FBLN1: variants seen among roughly 807,000 people sequenced by gnomAD.
FBLN1 encodes the protein fibulin 1, also known as fibulin-1.
Under a neutral mutation model 89.7 loss-of-function variants are expected in FBLN1, and 34 were observed. The observed-to-expected ratio is 0.38, with a 90% CI of 0.29 to 0.50. FBLN1 has a LOEUF of 0.50. Ranked by LOEUF, FBLN1 falls within the 20% of genes least tolerant of loss-of-function variation. The probability of loss-of-function intolerance (pLI) is 0.92; values close to 1 mark genes in which losing one functional copy is unlikely to be tolerated. For missense variants in FBLN1, 777 were observed against 988.1 expected (o/e 0.79, Z 2.86); for synonymous variants, 393 against 391.3 (o/e 1.00, Z -0.05).
At chr22:45,542,888 C>T (rs2088575493) in intron 10 of FBLN1, among the ~76,000 whole-genome samples, 1 of 152,260 alleles carries the variant, frequency 6.6e-6, no homozygotes, top group African/African-American at 2.4e-5. Context: ...GCTCGCCCAC[C>T]AGGCAGGCAC....
chr22:45,532,840 C>G lies in FBLN1; in HGVS notation c.545-223C>G, dbSNP rs572448815. On this transcript the variant is annotated intron_variant, in intron 5 of 16. Transcript: ENST00000327858. The surrounding 1 kb of genome is among the most constrained non-coding windows in gnomAD (Gnocchi z 4.2). Reference sequence around the variant, plus strand: ...GCACCCTGCACACCACCTGATTTTCCAGACGGGGAGGTTGGGACCTGAAGC... The same window carrying G: ...GCACCCTGCACACCACCTGATTTTCGAGACGGGGAGGTTGGGACCTGAAGC... The G allele has an allele frequency of 3.7e-5, 22 of 600,664 alleles. No individual in the cohort carries two copies. The African/African-American group carries it at 3.7e-4, about 10-fold the overall frequency. The allele number at this position is 600,664 out of a possible 1,614,324, so 37.2% of individuals were successfully genotyped here.
At chr22:45,542,117 T>C in intron 9 of FBLN1, 38 bp from the exon 10 acceptor site, 1 of 1,613,972 alleles carries the variant, frequency 6.2e-7, no homozygotes, top group Non-Finnish European at 8.5e-7. Context: ...AAACCCAAAC[T>C]AAAGGTTTTC....
At chr22:45,547,242 C>A (rs370504340) in intron 12 of FBLN1, 38 bp downstream of exon 12, 23 of 1,610,704 alleles carry the variant, frequency 1.4e-5, no homozygotes, top group Non-Finnish European at 1.9e-5. Flanking sequence ...GAAAGCACCC[C>A]CTGGTCTTGC....
rs921786259 is a variant in FBLN1, at chr22:45,574,225, T to A, written c.1698-286T>A. 2.0e-5 allele frequency among the ~76,000 whole-genome samples: 3 copies of A among 152,230 alleles called. No individual in the cohort carries two copies. Among genetic ancestry groups the A allele is most frequent in the African/African-American group, 4.8e-5 (2 of 41,466 alleles). The stretch of plus-strand genomic sequence containing the variant: ...ATTTTGCCATTGTAGCTATTGATGC[T>A]CAATTCGTGCAGTTGACAAATGTCC... On this transcript the variant is annotated intron_variant, in intron 14 of 16. Coordinates refer to ENST00000327858, the MANE Select transcript of FBLN1 (RefSeq NM_006486.3). This position sits in a 1 kb window ranked among gnomAD's most constrained non-coding sequence, Gnocchi z 4.1.
Position 45,532,899 on chromosome 22 carries a change from TG to T in FBLN1, c.545-159del. 2 of 667,950 alleles carry T rather than the reference TG, an allele frequency of 3.0e-6. No homozygotes were observed. Among genetic ancestry groups the T allele is most frequent in the Non-Finnish European group, 5.4e-6 (2 of 372,854 alleles). The allele number at this position is 667,950 out of a possible 1,614,324, so 41.4% of individuals were successfully genotyped here. A position where few individuals can be genotyped will look rare whatever the true frequency, so the allele number is the denominator to read the frequency against. On this transcript the variant is annotated intron_variant, in intron 5 of 16. Transcript: ENST00000327858. This position sits in a 1 kb window ranked among gnomAD's most constrained non-coding sequence, Gnocchi z 4.2. ...CTGGGGGGTGTCCAGAGCCAGAGCC[TG>T]GGGGTCTCCCAGTAGGGCAGCAGGT...
In FBLN1 at chr22:45,547,068, C is replaced by G. The variant is rs986047984; in HGVS notation, c.1322-17C>G. Reference sequence around the variant, plus strand: ...ACGTATGATGCTCTGAGCGGTGACCCTCGTTTTGTATTTCAGACATCAATG... The same window carrying G: ...ACGTATGATGCTCTGAGCGGTGACCGTCGTTTTGTATTTCAGACATCAATG... On this transcript the variant is annotated splice_polypyrimidine_tract_variant and intron_variant, in intron 11 of 16. Transcript: ENST00000327858. 21 of 1,613,878 alleles carry G rather than the reference C, an allele frequency of 1.3e-5. No homozygotes were observed. The highest frequency in any genetic ancestry group is 1.7e-5 in the Admixed American group (1 of 59,996).
Position 45,502,914 on chromosome 22 carries a change from G to A in FBLN1, c.-72G>A, listed in dbSNP as rs1028872791. The A allele has an allele frequency of 1.7e-6, 1 of 588,078 alleles. No individual in the cohort carries two copies. The highest frequency in any genetic ancestry group is 2.2e-6 in the Non-Finnish European group (1 of 459,268). The allele number at this position is 588,078 out of a possible 1,614,324, so 36.4% of individuals were successfully genotyped here. A position where few individuals can be genotyped will look rare whatever the true frequency, so the allele number is the denominator to read the frequency against. On this transcript the variant is annotated 5_prime_UTR_variant, in exon 1 of 17. Transcript: ENST00000327858. ...TGCCGAGGCTCGGCCGGAGCGTGGA[G>A]CCCGCGCCGCTGCCCCAGGACCGCG... is the stretch of plus-strand genomic sequence containing the variant.
intron 16 of FBLN1, among the ~76,000 whole-genome samples, chr22:45,589,641 C>T (rs1246004368): frequency 6.6e-6 from 1 of 152,164 alleles, no homozygotes; most frequent in Non-Finnish European, 1.5e-5. Flanking sequence ...GATGGTTCTC[C>T]ACCAACTTCA....
chr22:45,563,348 C>T lies in FBLN1; in HGVS notation c.1698-11163C>T, dbSNP rs1391744869. 1.6e-5 allele frequency: 26 copies of T among 1,599,850 alleles called. No homozygotes were observed. The highest frequency in any genetic ancestry group is 2.2e-5 in the South Asian group (2 of 89,978). ...GGGGCGTTAATAAAGTCTTAGCAAG[C>T]GTCCCACACAGTGAGCCTCGCGTGC... On this transcript the variant is annotated intron_variant, in intron 14 of 16. Coordinates refer to ENST00000327858, the MANE Select transcript of FBLN1 (RefSeq NM_006486.3). This position sits in a 1 kb window ranked among gnomAD's most constrained non-coding sequence, Gnocchi z 5.7.
intron 16 of FBLN1, among the ~76,000 whole-genome samples, chr22:45,587,450 A>G (rs937131396): frequency 5.3e-5 from 8 of 150,918 alleles, no homozygotes; most frequent in African/African-American, 9.8e-5. Context: ...CCAGAGAGAC[A>G]TCCTCAGCCC....
At chr22:45,565,152 T>C (rs1171327039) in intron 14 of FBLN1, 13 of 1,573,482 alleles carry the variant, frequency 8.3e-6, no homozygotes, top group Non-Finnish European at 1.0e-5. Flanking sequence ...GAGTCTCCCA[T>C]GTTGTAGTAC....
intron 14 of FBLN1, chr22:45,565,379 C>G: frequency 1.0e-6 from 1 of 964,354 alleles, no homozygotes; most frequent in Non-Finnish European, 1.4e-6. Flanking sequence ...CCTGGCCCCA[C>G]GGGGAGGCTT....
chr22:45,516,210 G>T (rs1465924283), intron 1 of FBLN1, among the ~76,000 whole-genome samples: 6 of 152,144 alleles, frequency 3.9e-5, no homozygotes, highest in African/African-American at 1.4e-4. Context: ...GCAGGTGGGG[G>T]CTGAGTGGGC....
chr22:45,598,838 T>C (rs1313084559), intron 16 of FBLN1, among the ~76,000 whole-genome samples: 1 of 152,236 alleles, frequency 6.6e-6, no homozygotes, highest in Non-Finnish European at 1.5e-5. Flanking sequence ...ATCTGAATCG[T>C]GCAGTGCAGG....
chr22:45,574,713 A>AG lies in FBLN1; in HGVS notation c.1840+63dup. On this transcript the variant is annotated intron_variant, in intron 15 of 16. Transcript: ENST00000327858. This position sits in a 1 kb window ranked among gnomAD's most constrained non-coding sequence, Gnocchi z 4.1. The stretch of plus-strand genomic sequence containing the variant: ...CTAGGGCCTCCCTCGGCTTCAGCTG[A>AG]GGGCTTGGCCTACAGGAGTTGTTCC... 7.0e-7 allele frequency: 1 copy of AG among 1,433,844 alleles called. No individual in the cohort carries two copies. Among genetic ancestry groups the AG allele is most frequent in the Non-Finnish European group, 9.5e-7 (1 of 1,050,710 alleles). 88.8% of individuals were successfully genotyped at this position (1,433,844 alleles called of 1,614,324 possible).
At chr22:45,546,364 G>A (rs184279894) in intron 11 of FBLN1, among the ~76,000 whole-genome samples, 15 of 152,068 alleles carry the variant, frequency 9.9e-5, no homozygotes, top group Non-Finnish European at 1.3e-4. Context: ...CTACAGGTGC[G>A]TGCCACCATG....
At chr22:45,569,575 G>C (rs562703349) in intron 14 of FBLN1, among the ~76,000 whole-genome samples, 25 of 152,202 alleles carry the variant, frequency 1.6e-4, no homozygotes, top group African/African-American at 5.5e-4. Context: ...GGAGGCGGAG[G>C]TTGCAGTGAG....
At position 45,600,369 on chromosome 22, in the gene FBLN1, A is replaced by T. The variant is rs750135178; in HGVS notation, c.2035A>T (p.Asn679Tyr). 2 of 1,614,094 alleles carry T rather than the reference A, an allele frequency of 1.2e-6. No homozygotes were observed. The highest frequency in any genetic ancestry group is 2.2e-5 in the South Asian group (2 of 91,076). ...PFHAVLKLEM[N>Y]YVVGGVVSHR... ...TCATGCCGTCCTGAAGCTGGAGATG[A>T]ACTATGTGGTCGGGGGCGTGGTCTC... The change falls in exon 17 of 17, where the codon AAC (asparagine) becomes TAC (tyrosine). Residue 679 changes from asparagine (N) to tyrosine (Y), a missense_variant. Physicochemically the swap from Asn to Tyr is moderately radical, Grantham distance 143 (BLOSUM62 -2). Transcript: ENST00000327858.
In FBLN1 at chr22:45,532,597, T is replaced by TAGG. The variant is rs1183261977; in HGVS notation, c.545-462_545-460dup. Among the ~76,000 whole-genome samples, 4 of 151,706 alleles carry TAGG rather than the reference T, an allele frequency of 2.6e-5. No individual in the cohort carries two copies. The highest frequency in any genetic ancestry group is 9.7e-5 in the African/African-American group (4 of 41,290). On this transcript the variant is annotated intron_variant, in intron 5 of 16. Transcript: ENST00000327858. This position sits in a 1 kb window ranked among gnomAD's most constrained non-coding sequence, Gnocchi z 4.2. ...TTCTGGGCTATGCAGAAAGACCAGGTAGGAGGCTGTGGCCACAGCCAGGTG... is the reference window on the plus strand; with the variant it reads ...TTCTGGGCTATGCAGAAAGACCAGGTAGGAGGAGGCTGTGGCCACAGCCAGGTG...
Sources: allele counts gnomAD v4.1 joint callset (sites outside exome capture counted in the v4.1 genomes callset), GRCh38; gene constraint gnomAD v4.1.1; non-coding constraint Gnocchi (gnomAD v3.1); transcripts MANE v1.5; gene names NCBI Gene and HGNC (gene_info 2026-07-23, HGNC 2026-07-21).